The following IL9R variants were observed in gnomAD, a reference collection of about 807,000 sequenced individuals.
The protein encoded by IL9R is interleukin-9 receptor.
IL9R carries 54 observed loss-of-function variants against 56.3 expected under a neutral mutation model. That is an observed-to-expected ratio of 0.96 (90% CI 0.77 to 1.20). IL9R has a LOEUF of 1.20. Ranked by LOEUF, IL9R falls within the 50% of genes most tolerant of loss-of-function variation. The probability of loss-of-function intolerance (pLI) is 0.00; values close to 1 mark genes in which losing one functional copy is unlikely to be tolerated. For synonymous variants in IL9R, 212 were observed against 250.2 expected (o/e 0.85, Z 1.44); for missense variants, 545 against 629.8 (o/e 0.87, Z 1.44).
Position 156,005,361 on chromosome X carries a change from G to T in IL9R, c.663G>T (p.Glu221Asp). 3.1e-6 allele frequency: 5 copies of T among 1,612,748 alleles called. No homozygotes were observed. The highest frequency in any genetic ancestry group is 4.2e-6 in the Non-Finnish European group (5 of 1,179,754). Residue 221 changes from glutamate (E) to aspartate (D), a missense_variant, in exon 6 of 9, where the codon GAG becomes GAT. This residue lies in a region of IL9R where 431 missense variants were observed against 360.0 expected (regional missense o/e 1.20). Coordinates refer to ENST00000244174, the MANE Select transcript of IL9R (RefSeq NM_002186.3). ...AGCTGGACCCTGGCTTTATCCATGA[G>T]GCCAGGCTGCGTGTCCAGATGGCCA... ...AFELDPGFIHEARLRVQMATL... is the reference protein window; with the variant it reads ...AFELDPGFIHDARLRVQMATL...
intron 4 of IL9R, chrX:156,004,165 C>G: frequency 1.7e-6 from 1 of 599,994 alleles, no homozygotes; most frequent in Non-Finnish European, 3.0e-6. Flanking sequence ...CTGGGAAAAG[C>G]TTCCAGCAGC....
intron 4 of IL9R, 92 bp from the exon 5 acceptor site, chrX:156,004,328 T>G: frequency 7.4e-7 from 1 of 1,354,830 alleles, no homozygotes; most frequent in Non-Finnish European, 1.0e-6. Context: ...ACCATTCCCC[T>G]TGGGAGTCTT....
At position 156,003,541 on chromosome X, in the gene IL9R, C is replaced by A. The variant is rs970855941; in HGVS notation, c.235C>A (p.Pro79Thr). 1 of 1,612,600 alleles carries A rather than the reference C, an allele frequency of 6.2e-7. No individual in the cohort carries two copies. Among genetic ancestry groups the A allele is most frequent in the Non-Finnish European group, 8.5e-7 (1 of 1,179,116 alleles). ...SAPELGQGSSPWLLFTSNQAP... is the reference protein window; with the variant it reads ...SAPELGQGSSTWLLFTSNQAP... The stretch of plus-strand genomic sequence containing the variant: ...CCCAGAGCTGGGACAGGGCTCCAGC[C>A]CCTGGCTCCTCTTCACCAGGTGAGC... The change falls in exon 3 of 9, where the codon CCC (proline) becomes ACC (threonine). Residue 79 changes from proline to threonine, a missense_variant. This residue lies in a region of IL9R where 431 missense variants were observed against 360.0 expected (regional missense o/e 1.20). Coordinates refer to ENST00000244174, the MANE Select transcript of IL9R (RefSeq NM_002186.3).
intron 1 of IL9R, among the ~76,000 whole-genome samples, chrX:156,002,215 C>G (rs760170371): frequency 9.2e-5 from 14 of 151,826 alleles, no homozygotes; most frequent in Non-Finnish European, 2.9e-5. Context: ...CTGGGCATGG[C>G]GGGAGATGCC....
chrX:156,007,837 C>T, intron 8 of IL9R: 1 of 561,348 alleles, frequency 1.8e-6, no homozygotes, highest in Non-Finnish European at 3.0e-6. Flanking sequence ...GTCTCTAGTT[C>T]CATTGTTGAT....
chrX:156,001,871 C>T (rs1481763520), intron 1 of IL9R, among the ~76,000 whole-genome samples: 1 of 152,198 alleles, frequency 6.6e-6, no homozygotes, highest in Non-Finnish European at 1.5e-5. Context: ...CCTCACGCTC[C>T]AGCATCCGGG....
At chrX:156,008,898 T>C (rs1238721774) in intron 8 of IL9R, among the ~76,000 whole-genome samples, 1 of 152,058 alleles carries the variant, frequency 6.6e-6, no homozygotes, top group African/African-American at 2.4e-5. Flanking sequence ...TGTTTATGTG[T>C]CTGTGTGTGT....
At chrX:156,009,437 G>GTC (rs1231090244) in intron 8 of IL9R, among the ~76,000 whole-genome samples, 2 of 150,122 alleles carry the variant, frequency 1.3e-5, no homozygotes, top group African/African-American at 5.0e-5. Flanking sequence ...GTTTGTGTGT[G>GTC]TGTGTGTGTG....
Position 156,007,515 on chromosome X carries a change from G to T in IL9R, c.888-8G>T. ...CATAGGCCTCTGACTGGCCTCTCTT[G>T]GCCTCAGGGTGAAGAGAATCTTCTA... On this transcript the variant is annotated splice_polypyrimidine_tract_variant and splice_region_variant and intron_variant, in intron 7 of 8. Coordinates refer to ENST00000244174, the MANE Select transcript of IL9R (RefSeq NM_002186.3). The T allele has an allele frequency of 8.7e-7, 1 of 1,155,950 alleles. No individual in the cohort carries two copies. The highest frequency in any genetic ancestry group is 1.3e-5 in the South Asian group (1 of 76,728). 71.6% of individuals were successfully genotyped at this position (1,155,950 alleles called of 1,614,324 possible). A position where few individuals can be genotyped will look rare whatever the true frequency, so the allele number is the denominator to read the frequency against.
rs751376243 is a variant in IL9R, at chrX:156,000,396, T to C, written c.29-2510T>C. On this transcript the variant is annotated intron_variant, in intron 1 of 8. Transcript: ENST00000244174. ...AGGGCAGGCAGGCTATGAGGCCTAG[T>C]AGGCATCTGGGCCAGACTTTGACAC... Among the ~76,000 whole-genome samples the C allele has an allele frequency of 1.6e-4, 24 of 152,160 alleles. No homozygotes were observed. In the South Asian group the frequency reaches 4.8e-3, roughly 30 times the overall value.
At chrX:156,006,750 G>T (rs2124535210) in intron 7 of IL9R, among the ~76,000 whole-genome samples, 1 of 152,030 alleles carries the variant, frequency 6.6e-6, no homozygotes, top group East Asian at 1.9e-4. Flanking sequence ...GGTGTTGGGT[G>T]GGGCTAAGTG....
At chrX:156,005,599 C>T (rs778931595) in intron 6 of IL9R, 120 bp downstream of exon 6, 48 of 787,114 alleles carry the variant, frequency 6.1e-5, no homozygotes, top group African/African-American at 3.1e-4. Context: ...GGCAGCCATG[C>T]CTCAGTTGAC....
Position 155,997,709 on chromosome X carries a change from A to G in IL9R, c.-51A>G. The stretch of plus-strand genomic sequence containing the variant: ...CTGAGGGTCTTTGCTGTGCACCCAG[A>G]GATAGTTGGGTGACAAATCACCTCC... On this transcript the variant is annotated 5_prime_UTR_variant, in exon 1 of 9. Transcript: ENST00000244174. The G allele has an allele frequency of 1.3e-6, 2 of 1,591,022 alleles. No individual in the cohort carries two copies. The highest frequency in any genetic ancestry group is 1.7e-6 in the Non-Finnish European group (2 of 1,158,962).
At chrX:156,002,201 T>A (rs1603126081) in intron 1 of IL9R, among the ~76,000 whole-genome samples, 1 of 151,096 alleles carries the variant, frequency 6.6e-6, no homozygotes, top group African/African-American at 2.4e-5. Flanking sequence ...AAAAAAAAAA[T>A]TAGCTGGGCA....
chrX:156,007,458 C>A (rs1477999353), intron 7 of IL9R, 65 bp from the exon 8 acceptor site: 3 of 848,546 alleles, frequency 3.5e-6, no homozygotes, highest in African/African-American at 3.5e-5. Context: ...GGAAGCTCAG[C>A]CTCTGCAGTG....
In IL9R at chrX:156,005,341, G is replaced by A. The variant is rs539819594; in HGVS notation, c.643G>A (p.Asp215Asn). The A allele has an allele frequency of 5.0e-5, 80 of 1,612,510 alleles. 4 individuals carry two copies. The South Asian group carries it at 8.5e-4, about 17-fold the overall frequency. The change falls in exon 6 of 9, where the codon GAC becomes AAC. Residue 215 changes from aspartate (D) to asparagine (N), a missense_variant. Coordinates refer to ENST00000244174, the MANE Select transcript of IL9R (RefSeq NM_002186.3). ...TWLILEAFEL[D>N]PGFIHEARLR... ...GCTTATACTTGAAGCCTTTGAGCTG[G>A]ACCCTGGCTTTATCCATGAGGCCAG...
At chrX:156,003,879 G>A (rs762190164) in intron 4 of IL9R, 24 bp downstream of exon 4, 6 of 1,612,718 alleles carry the variant, frequency 3.7e-6, no homozygotes, top group South Asian at 3.3e-5. Context: ...ATAGGTCTGG[G>A]GCGGGGCCGC....
At chrX:156,007,212 G>T (rs1001083528) in intron 7 of IL9R, among the ~76,000 whole-genome samples, 3 of 72 alleles carry the variant, frequency 0.042, no homozygotes, top group African/African-American at 0.06. Flanking sequence ...GCAAAGACAG[G>T]GTTCCTGGAG....
rs746015170 is a variant in IL9R, at chrX:155,998,586, T to C, written c.28+799T>C. ...CGTTTTAATTATTATTAATTTTTTT[T>C]TGAGACAGAGTTTGAGACAGTATCA... On this transcript the variant is annotated intron_variant, in intron 1 of 8. Transcript: ENST00000244174. Among the ~76,000 whole-genome samples the C allele has an allele frequency of 2.6e-3, 393 of 152,076 alleles. 2 individuals are homozygous for C. The highest frequency in any genetic ancestry group is 8.8e-3 in the African/African-American group (363 of 41,484).
Sources: allele counts gnomAD v4.1 joint callset (sites outside exome capture counted in the v4.1 genomes callset), GRCh38; gene constraint gnomAD v4.1.1; regional missense constraint gnomAD v4.1.1; transcripts MANE v1.5; gene names NCBI Gene and HGNC (gene_info 2026-07-23, HGNC 2026-07-21).